The following ASCC1 variants were observed in gnomAD, a reference collection of about 807,000 sequenced individuals.
ASCC1 encodes activating signal cointegrator 1 complex subunit 1.
A neutral mutation model predicts 46.6 loss-of-function variants in ASCC1; 35 were observed. That is an observed-to-expected ratio of 0.75 (90% confidence interval 0.57 to 0.99). The LOEUF (loss-of-function observed/expected upper bound fraction) is 0.99, where lower values mean the gene tolerates loss of function less well. ASCC1 is among the 50% of genes least tolerant of loss of function. ASCC1 has a pLI of 0.00. For synonymous variants in ASCC1, 143 were observed against 146.6 expected (o/e 0.98, Z 0.18); for missense variants, 376 against 428.7 (o/e 0.88, Z 1.09).
At chr10:72,098,474 C>T (rs1344180435) in intron 9 of ASCC1, among the ~76,000 whole-genome samples, 1 of 152,250 alleles carries the variant, frequency 6.6e-6, no homozygotes, top group Non-Finnish European at 1.5e-5. Context: ...ATCCTCCCAT[C>T]TCAGCCTCCC....
At chr10:72,130,802 T>C (rs1845490491) in intron 8 of ASCC1, among the ~76,000 whole-genome samples, 1 of 152,182 alleles carries the variant, frequency 6.6e-6, no homozygotes. Flanking sequence ...AATAACCCCA[T>C]GTGTCTAGTG....
intron 9 of ASCC1, among the ~76,000 whole-genome samples, chr10:72,122,412 G>A (rs1239523811): frequency 4.3e-5 from 6 of 140,404 alleles, no homozygotes; most frequent in Admixed American, 7.2e-5. Context: ...AGAACCAGAC[G>A]CAGTCTCAAA....
chr10:72,102,911 G>A lies in ASCC1; in HGVS notation c.958-5461C>T, dbSNP rs1051156717. The A allele has an allele frequency of 3.7e-5, 16 of 432,724 alleles. No homozygotes were observed. Among genetic ancestry groups the A allele is most frequent in the African/African-American group, 2.9e-4 (14 of 48,626 alleles). 26.8% of individuals were successfully genotyped at this position (432,724 alleles called of 1,614,324 possible). ...AATCACTTGAACCCGGGAGGCACAG[G>A]TTGCAGTGAGCGGAGATTGCATCAT... On this transcript the variant is annotated intron_variant, in intron 9 of 9. Transcript: ENST00000672957.
At chr10:72,186,833 G>A (rs144838013) in intron 5 of ASCC1, among the ~76,000 whole-genome samples, 4 of 146,938 alleles carry the variant, frequency 2.7e-5, no homozygotes, top group East Asian at 2.0e-4. Flanking sequence ...CGTTCACAGC[G>A]AACAAGCTCA....
At chr10:72,109,756 T>C (rs1842722139) in intron 9 of ASCC1, among the ~76,000 whole-genome samples, 1 of 152,288 alleles carries the variant, frequency 6.6e-6, no homozygotes, top group East Asian at 1.9e-4. Context: ...GGATTTCCCC[T>C]CTCTGCAGTC....
At position 72,196,820 on chromosome 10, in the gene ASCC1, C is replaced by T; in HGVS notation, c.480G>A (p.Lys160=). 3.7e-6 allele frequency: 6 copies of T among 1,612,880 alleles called. No homozygotes were observed. Among genetic ancestry groups the T allele is most frequent in the Non-Finnish European group, 5.1e-6 (6 of 1,179,914 alleles). Residue 160 remains lysine, a synonymous_variant, in exon 5 of 10, where the codon AAG becomes AAA. Coordinates refer to ENST00000672957, the MANE Select transcript of ASCC1 (RefSeq NM_001198800.3). ...FLRFQEEVLA[K]CSMDHGVDSS... ...CTTTGTTTGCACTTACCATGGAGCA[C>T]TTCGCCAGTACTTCCTCCTGGAATC... is the stretch of plus-strand genomic sequence containing the variant.
intron 7 of ASCC1, among the ~76,000 whole-genome samples, chr10:72,139,775 A>G (rs942063976): frequency 1.3e-5 from 2 of 152,220 alleles, no homozygotes; most frequent in Non-Finnish European, 2.9e-5. Flanking sequence ...TTCCCTCCCA[A>G]TTTAATTCAG....
At chr10:72,159,229 T>C (rs1849339302) in intron 6 of ASCC1, 1 of 152,234 alleles carries the variant, frequency 6.6e-6, no homozygotes, top group Non-Finnish European at 1.5e-5. Context: ...ACTGTTTTCA[T>C]ACTGTCATGT....
intron 4 of ASCC1, among the ~76,000 whole-genome samples, chr10:72,199,044 T>C (rs1420826386): frequency 6.6e-6 from 1 of 152,086 alleles, no homozygotes; most frequent in Admixed American, 6.6e-5. Context: ...CTCAAAATCT[T>C]GACCTTGTGA....
chr10:72,151,267 T>TA lies in ASCC1; in HGVS notation c.746+1601dup, dbSNP rs530038379. ...TACACCATGGAATACTATGCAGCCA[T>TA]AAAAAAGGATGAGTTCACGTCCTTT... On this transcript the variant is annotated intron_variant, in intron 7 of 9. Transcript: ENST00000672957. 8.0e-4 allele frequency among the ~76,000 whole-genome samples: 122 copies of TA among 152,254 alleles called. 1 individual carries two copies. In the Middle Eastern group the frequency reaches 0.01, roughly 13 times the overall value.
At chr10:72,133,001 G>C in intron 8 of ASCC1, 56 bp downstream of exon 8, 1 of 1,612,104 alleles carries the variant, frequency 6.2e-7, no homozygotes, top group Non-Finnish European at 8.5e-7. Flanking sequence ...CTAAACCTCA[G>C]AGATGCCACA....
At chr10:72,154,118 C>T (rs1848682795) in intron 6 of ASCC1, among the ~76,000 whole-genome samples, 1 of 152,160 alleles carries the variant, frequency 6.6e-6, no homozygotes, top group Non-Finnish European at 1.5e-5. Context: ...GGAGCCCAAG[C>T]TAAGGAAACA....
At chr10:72,154,732 T>C (rs999103022) in intron 6 of ASCC1, among the ~76,000 whole-genome samples, 5 of 152,160 alleles carry the variant, frequency 3.3e-5, no homozygotes, top group Non-Finnish European at 7.3e-5. Context: ...GCTGAAGACA[T>C]CTGCCTGCCT....
At chr10:72,119,989 C>T (rs1843993750) in intron 9 of ASCC1, among the ~76,000 whole-genome samples, 4 of 152,180 alleles carry the variant, frequency 2.6e-5, no homozygotes. Context: ...GTAATCCCAG[C>T]ACTTTTGGAG....
intron 9 of ASCC1, among the ~76,000 whole-genome samples, chr10:72,109,690 A>G (rs1264592246): frequency 6.6e-6 from 1 of 152,216 alleles, no homozygotes; most frequent in East Asian, 1.9e-4. Context: ...AAACCGCTAT[A>G]TACAAACAGG....
At chr10:72,170,654 G>T (rs575419134) in intron 5 of ASCC1, among the ~76,000 whole-genome samples, 2 of 149,930 alleles carry the variant, frequency 1.3e-5, no homozygotes, top group East Asian at 3.9e-4. Flanking sequence ...AAATGTTCCA[G>T]ATTCAAGGAG....
At chr10:72,123,764 A>C (rs1275496399) in intron 9 of ASCC1, among the ~76,000 whole-genome samples, 2 of 152,330 alleles carry the variant, frequency 1.3e-5, no homozygotes, top group East Asian at 3.9e-4. Context: ...GTGTTTAAGA[A>C]GTTAATTGTG....
intron 7 of ASCC1, among the ~76,000 whole-genome samples, chr10:72,136,925 C>T (rs543136548): frequency 4.2e-4 from 64 of 152,078 alleles, no homozygotes; most frequent in African/African-American, 1.4e-3. Context: ...ACTCCGGACA[C>T]ATCTGAACAT....
chr10:72,209,099 A>G (rs1857655621), intron 3 of ASCC1, among the ~76,000 whole-genome samples: 1 of 151,886 alleles, frequency 6.6e-6, no homozygotes, highest in Non-Finnish European at 1.5e-5. Context: ...CAGGAAGTCA[A>G]GGCTACAGTG....
Sources: allele counts gnomAD v4.1 joint callset (sites outside exome capture counted in the v4.1 genomes callset), GRCh38; gene constraint gnomAD v4.1.1; transcripts MANE v1.5; gene names NCBI Gene and HGNC (gene_info 2026-07-23, HGNC 2026-07-21).